The following GMPPA variants were observed in gnomAD, a reference collection of about 807,000 sequenced individuals.
GMPPA encodes the protein GDP-mannose pyrophosphorylase A, also known as mannose-1-phosphate guanylyltransferase regulatory subunit alpha.
In GMPPA, 46 loss-of-function variants were observed where a neutral mutation model predicts 58.6. That is an observed-to-expected ratio of 0.78 (90% CI 0.62 to 1.00). The LOEUF (loss-of-function observed/expected upper bound fraction) is 1.00, where lower values mean the gene tolerates loss of function less well. Among genes scored for constraint, GMPPA ranks in the 50% least tolerant of loss-of-function variants. The probability of loss-of-function intolerance (pLI) is 0.00; values close to 1 mark genes in which losing one functional copy is unlikely to be tolerated. For missense variants in GMPPA, 468 were observed against 556.4 expected, an observed-to-expected ratio of 0.84 and a Z score of 1.60; for synonymous variants, 211 against 214.9, an observed-to-expected ratio of 0.98 and a Z score of 0.16.
chr2:219,500,978 T>G (rs1694369748), intron 3 of GMPPA: 1 of 155,720 alleles, frequency 6.4e-6, no homozygotes. Flanking sequence ...CCAACGCTTT[T>G]TGAGGCCGAG....
At chr2:219,506,134 A>AT in intron 11 of GMPPA, 62 bp downstream of exon 11, 1 of 1,448,230 alleles carries the variant, frequency 6.9e-7, no homozygotes, top group Admixed American at 1.9e-5. Flanking sequence ...GGGCCCAGGC[A>AT]TCCCCCCAAG....
At chr2:219,505,078 C>T (rs932394700) in intron 7 of GMPPA, 150 bp from the exon 8 acceptor site, 12 of 941,722 alleles carry the variant, frequency 1.3e-5, no homozygotes, top group African/African-American at 3.3e-5. Flanking sequence ...ATGTGAGCAG[C>T]CACATCCCAG....
chr2:219,504,771 CTCTCTG>C (rs1694518426), intron 7 of GMPPA: 1 of 732,134 alleles, frequency 1.4e-6, no homozygotes, highest in Non-Finnish European at 1.7e-6. Flanking sequence ...CTCTCCTGGC[CTCTCTG>C]TCTCTGTCTC....
Position 219,506,769 on chromosome 2 carries a change from C to G in GMPPA, c.1234C>G (p.Arg412Gly), listed in dbSNP as rs755512869. ...SIVLPHKELS[R>G]SFTNQIIL ...TGTTCTGCCACACAAGGAGCTGAGC[C>G]GAAGCTTCACCAACCAGATCATCCT... The change falls in exon 13 of 13, where the codon CGA becomes GGA. Residue 412 changes from arginine (R) to glycine (G), a missense_variant. Coordinates refer to ENST00000313597, the MANE Select transcript of GMPPA (RefSeq NM_013335.4). 1.9e-6 allele frequency: 3 copies of G among 1,585,892 alleles called. No individual in the cohort carries two copies. Among genetic ancestry groups the G allele is most frequent in the South Asian group, 2.2e-5 (2 of 90,542 alleles).
In GMPPA at chr2:219,502,438, C is replaced by T. The variant is rs36029384; in HGVS notation, c.486C>T (p.His162=). 91 of 1,613,276 alleles carry T rather than the reference C, an allele frequency of 5.6e-5. No homozygotes were observed. Among genetic ancestry groups the T allele is most frequent in the African/African-American group, 1.7e-4 (13 of 74,970 alleles). ...YGCIVENPQT[H]EVLHYVEKPS... is the part of the protein sequence containing the mutation. ...GCATCGTTGAGAATCCACAGACACA[C>T]GAGGTGAGAGCAGAGTGGGGGCTGG... The change falls in exon 6 of 13, where the codon CAC becomes CAT. Residue 162 remains histidine, a synonymous_variant. Transcript: ENST00000313597. The surrounding 1 kb of genome is among the most constrained non-coding windows in gnomAD (Gnocchi z 4.0).
chr2:219,504,431 G>A, intron 7 of GMPPA: 1 of 581,370 alleles, frequency 1.7e-6, no homozygotes, highest in Non-Finnish European at 3.0e-6. Flanking sequence ...GTCACTGCCT[G>A]CCCACTCCCC....
At chr2:219,500,038 G>T (rs1559445298) in intron 2 of GMPPA, 23 bp downstream of exon 2, 1 of 1,612,274 alleles carries the variant, frequency 6.2e-7, no homozygotes, top group South Asian at 1.1e-5. Flanking sequence ...GGGAATGGGG[G>T]GAGGAGGTTG....
In GMPPA at chr2:219,502,183, A is replaced by T; in HGVS notation, c.429+146A>T. On this transcript the variant is annotated intron_variant, in intron 5 of 12. Transcript: ENST00000313597. This position sits in a 1 kb window ranked among gnomAD's most constrained non-coding sequence, Gnocchi z 4.0. ...GAGATGCGCTGCTCTGGCAGCATGG[A>T]GGTGTTAGTGGAGACCCCGAGCCCT... The T allele has an allele frequency of 1.1e-6, 1 of 923,496 alleles. No individual in the cohort carries two copies. The highest frequency in any genetic ancestry group is 1.7e-6 in the Non-Finnish European group (1 of 592,014). The allele number at this position is 923,496 out of a possible 1,614,324, so 57.2% of individuals were successfully genotyped here. A position where few individuals can be genotyped will look rare whatever the true frequency, so the allele number is the denominator to read the frequency against.
intron 3 of GMPPA, 119 bp downstream of exon 3, chr2:219,500,337 T>C: frequency 2.9e-6 from 2 of 693,646 alleles, no homozygotes; most frequent in South Asian, 3.1e-5. Flanking sequence ...CATTCACAGA[T>C]GACAATGTGA....
chr2:219,501,611 T>G lies in GMPPA; in HGVS notation c.242+32T>G, dbSNP rs1192368836. On this transcript the variant is annotated intron_variant, in intron 4 of 12. Coordinates refer to ENST00000313597, the MANE Select transcript of GMPPA (RefSeq NM_013335.4). The stretch of plus-strand genomic sequence containing the variant: ...GTGCACACACTCGTATATGGGGGGG[T>G]GGGGATGCCCTAGGCCTCTGAGTTC... 6 of 1,311,386 alleles carry G rather than the reference T, an allele frequency of 4.6e-6. No homozygotes were observed. The South Asian group carries it at 7.0e-5, about 15-fold the overall frequency. The allele number at this position is 1,311,386 out of a possible 1,614,324, so 81.2% of individuals were successfully genotyped here. A position where few individuals can be genotyped will look rare whatever the true frequency, so the allele number is the denominator to read the frequency against.
Position 219,505,991 on chromosome 2 carries a change from C to A in GMPPA, c.912C>A (p.Asn304Lys). The A allele has an allele frequency of 6.3e-7, 1 of 1,582,410 alleles. No individual in the cohort carries two copies. The highest frequency in any genetic ancestry group is 8.6e-7 in the Non-Finnish European group (1 of 1,161,344). The change falls in exon 11 of 13, where the codon AAC (asparagine) becomes AAA (lysine). Residue 304 changes from asparagine (N) to lysine (K), a missense_variant. Coordinates refer to ENST00000313597, the MANE Select transcript of GMPPA (RefSeq NM_013335.4). ...KVAPSAVLGP[N>K]VSIGKGVTVG... ...GCTTCTCTCCACAGCTGGGCCCCAA[C>A]GTCTCCATCGGGAAGGGGGTGACCG...
rs866231169 is a variant in GMPPA at position 219,502,202 on chromosome 2, G to C, written c.429+165G>C. Among the ~76,000 whole-genome samples, 1 of 152,162 alleles carries C rather than the reference G, an allele frequency of 6.6e-6. No homozygotes were observed. The highest frequency in any genetic ancestry group is 1.5e-5 in the Non-Finnish European group (1 of 68,018). ...GCATGGAGGTGTTAGTGGAGACCCC[G>C]AGCCCTCTGGCTGTTCAGAAGTAGG... On this transcript the variant is annotated intron_variant, in intron 5 of 12. Transcript: ENST00000313597. The surrounding 1 kb of genome is among the most constrained non-coding windows in gnomAD (Gnocchi z 4.0).
In GMPPA at chr2:219,502,240, A is replaced by G. The variant is rs1694424432; in HGVS notation, c.430-142A>G. On this transcript the variant is annotated intron_variant, in intron 5 of 12. Transcript: ENST00000313597. This position sits in a 1 kb window ranked among gnomAD's most constrained non-coding sequence, Gnocchi z 4.0. Reference sequence around the variant, plus strand: ...GTTCAGAAGTAGGGAGGGGGAGGGCAGCTGTCAGTTTCCACCCTTGCTGAA... The same window carrying G: ...GTTCAGAAGTAGGGAGGGGGAGGGCGGCTGTCAGTTTCCACCCTTGCTGAA... The G allele has an allele frequency of 1.2e-6, 1 of 848,690 alleles. No individual in the cohort carries two copies. Among genetic ancestry groups the G allele is most frequent in the African/African-American group, 1.7e-5 (1 of 59,820 alleles). The allele number at this position is 848,690 out of a possible 1,614,324, so 52.6% of individuals were successfully genotyped here. A position where few individuals can be genotyped will look rare whatever the true frequency, so the allele number is the denominator to read the frequency against.
rs1162565864 is a variant in GMPPA at position 219,502,020 on chromosome 2, T to C, written c.412T>C (p.Leu138=). 1.2e-6 allele frequency: 2 copies of C among 1,614,080 alleles called. No individual in the cohort carries two copies. Among genetic ancestry groups the C allele is most frequent in the Non-Finnish European group, 1.7e-6 (2 of 1,180,032 alleles). ...CCACCGACGCCAGCGTCACCCTTTC[T>C]TACTCCTTGGCACTACGGTGAGGGG... The part of the protein sequence containing the change: ...EAHRRQRHPF[L]LLGTTANRTQ... Residue 138 remains leucine, a synonymous_variant, in exon 5 of 13, where the codon TTA becomes CTA. Transcript: ENST00000313597. The surrounding 1 kb of genome is among the most constrained non-coding windows in gnomAD (Gnocchi z 4.0).
At chr2:219,505,886 C>A in intron 10 of GMPPA, 94 bp from the exon 11 acceptor site, 3 of 1,133,130 alleles carry the variant, frequency 2.6e-6, no homozygotes, top group Non-Finnish European at 3.8e-6. Context: ...TGTCCTCGAG[C>A]AGGTCACTTA....
intron 11 of GMPPA, 60 bp from the exon 12 acceptor site, chr2:219,506,194 C>G (rs1694585055): frequency 4.5e-6 from 7 of 1,540,634 alleles, no homozygotes; most frequent in Non-Finnish European, 6.2e-6. Flanking sequence ...ACACCTCACA[C>G]CCTCCGGTTC....
chr2:219,506,922 T>G lies in GMPPA; in HGVS notation c.*124T>G, dbSNP rs1407447906. The stretch of plus-strand genomic sequence containing the variant: ...TGGATCGTCACATGCCGGGGAGCAA[T>G]GTGGATGGCCTGGGGACTCCTGGGT... On this transcript the variant is annotated 3_prime_UTR_variant, in exon 13 of 13. Transcript: ENST00000313597. 1 of 650,802 alleles carries G rather than the reference T, an allele frequency of 1.5e-6. No individual in the cohort carries two copies. Among genetic ancestry groups the G allele is most frequent in the Non-Finnish European group, 2.8e-6 (1 of 357,164 alleles). The allele number at this position is 650,802 out of a possible 1,614,324, so 40.3% of individuals were successfully genotyped here.
chr2:219,502,298 C>G lies in GMPPA; in HGVS notation c.430-84C>G. On this transcript the variant is annotated intron_variant, in intron 5 of 12. Coordinates refer to ENST00000313597, the MANE Select transcript of GMPPA (RefSeq NM_013335.4). The surrounding 1 kb of genome is among the most constrained non-coding windows in gnomAD (Gnocchi z 4.0). ...CAGTGGCAGAGCTGCATGCCAGGTG[C>G]TGTAGCGGAGGGAAAGAAAGAAAAA... The G allele has an allele frequency of 8.3e-7, 1 of 1,204,932 alleles. No individual in the cohort carries two copies. The highest frequency in any genetic ancestry group is 1.2e-6 in the Non-Finnish European group (1 of 813,178). The allele number at this position is 1,204,932 out of a possible 1,614,324, so 74.6% of individuals were successfully genotyped here.
chr2:219,506,182 C>A, intron 11 of GMPPA, 72 bp from the exon 12 acceptor site: 1 of 1,515,448 alleles, frequency 6.6e-7, no homozygotes, highest in Non-Finnish European at 9.0e-7. Flanking sequence ...CTGCATCTGG[C>A]CACACCTCAC....
Sources: gnomAD v4.1 joint callset for allele counts (sites outside exome capture counted in the v4.1 genomes callset) on GRCh38, gnomAD v4.1.1 for gene constraint, Gnocchi (gnomAD v3.1) non-coding constraint, MANE v1.5 for transcripts, NCBI Gene and HGNC (gene_info 2026-07-23, HGNC 2026-07-21) for gene names.